The following CCDC186 variants were observed in gnomAD, a reference collection of about 807,000 sequenced individuals.
CCDC186 encodes coiled-coil domain containing 186.
In CCDC186, 49 loss-of-function variants were observed where a neutral mutation model predicts 113.7. That is an observed-to-expected ratio of 0.43 (90% CI 0.34 to 0.55). The LOEUF is 0.55. Ranked by LOEUF, CCDC186 falls within the 20% of genes least tolerant of loss-of-function variation. The pLI is 0.02. For synonymous variants in CCDC186, 355 were observed against 345.8 expected, an observed-to-expected ratio of 1.03 and a Z score of -0.30; for missense variants, 890 against 1,011.1, an observed-to-expected ratio of 0.88 and a Z score of 1.62.
At chr10:114,164,922 A>G (rs2032292628) in intron 1 of CCDC186, among the ~76,000 whole-genome samples, 1 of 152,236 alleles carries the variant, frequency 6.6e-6, no homozygotes, top group South Asian at 2.1e-4. Flanking sequence ...AGTGACTTGT[A>G]GACTTAATTA....
intron 3 of CCDC186, among the ~76,000 whole-genome samples, chr10:114,155,384 G>A (rs2031980227): frequency 1.3e-5 from 2 of 152,192 alleles, no homozygotes; most frequent in Non-Finnish European, 2.9e-5. Context: ...ACTTTAAAAA[G>A]TAAAAAGAAG....
chr10:114,172,820 A>C (rs2032541999), intron 1 of CCDC186, among the ~76,000 whole-genome samples: 1 of 152,240 alleles, frequency 6.6e-6, no homozygotes, highest in African/African-American at 2.4e-5. Flanking sequence ...AAAGAATTGA[A>C]GTTACACAGG....
chr10:114,168,364 C>G (rs915188273), intron 1 of CCDC186: 1 of 152,158 alleles, frequency 6.6e-6, no homozygotes, highest in African/African-American at 2.4e-5. Context: ...TATTTCCATA[C>G]AAGAGCCACG....
chr10:114,162,652 T>G lies in CCDC186; in HGVS notation c.617A>C (p.Glu206Ala). The G allele has an allele frequency of 6.3e-7, 1 of 1,576,070 alleles. No individual in the cohort carries two copies. The highest frequency in any genetic ancestry group is 1.2e-5 in the South Asian group (1 of 84,378). The part of the protein sequence containing the change: ...KCVQDKYLQQ[E>A]HIIKKLIKEN... ...AAAAACTTACTTTTTTATGATATGT[T>G]CCTGCTGCAAATATTTATCTTGCAC... Residue 206 changes from glutamate (E) to alanine (A), a missense_variant, in exon 2 of 16, where the codon GAA becomes GCA. Glu to Ala is a moderately radical substitution (Grantham distance 107). Coordinates refer to ENST00000369287, the MANE Select transcript of CCDC186 (RefSeq NM_018017.4).
At position 114,121,431 on chromosome 10, in the gene CCDC186, A is replaced by G. The variant is rs576922865; in HGVS notation, c.*3712T>C. Reference sequence around the variant, plus strand: ...ATCTTGGTTTAAATTTGCATGTAACAATTTTTAGAAAATAATATACTGCAA... The same window carrying G: ...ATCTTGGTTTAAATTTGCATGTAACGATTTTTAGAAAATAATATACTGCAA... On this transcript the variant is annotated 3_prime_UTR_variant, in exon 16 of 16. Coordinates refer to ENST00000369287, the MANE Select transcript of CCDC186 (RefSeq NM_018017.4). The G allele has an allele frequency of 1.1e-4, 17 of 152,306 alleles. No individual in the cohort carries two copies. The South Asian group carries it at 3.3e-3, about 30-fold the overall frequency. 9.4% of individuals were successfully genotyped at this position (152,306 alleles called of 1,614,324 possible).
chr10:114,157,873 C>T (rs17776681), intron 2 of CCDC186, among the ~76,000 whole-genome samples, 193 bp from the exon 3 acceptor site: 12,184 of 152,236 alleles, frequency 0.08, 578 homozygotes, highest in Middle Eastern at 0.14. Flanking sequence ...GCCCATTAGG[C>T]TATTAACTTT....
chr10:114,152,894 A>C (rs2031897082), intron 3 of CCDC186, among the ~76,000 whole-genome samples: 1 of 152,232 alleles, frequency 6.6e-6, no homozygotes, highest in South Asian at 2.1e-4. Flanking sequence ...AGAATAGCTC[A>C]CAAAAATAAA....
intron 13 of CCDC186, among the ~76,000 whole-genome samples, chr10:114,129,539 T>C (rs2031020193): frequency 6.6e-6 from 1 of 152,058 alleles, no homozygotes; most frequent in Non-Finnish European, 1.5e-5. Flanking sequence ...AAATGCTATT[T>C]ATTTATTTAT....
Position 114,137,211 on chromosome 10 carries a change from C to T in CCDC186, c.1301G>A (p.Cys434Tyr). 6.2e-7 allele frequency: 1 copy of T among 1,613,104 alleles called. No homozygotes were observed. Among genetic ancestry groups the T allele is most frequent in the Admixed American group, 1.7e-5 (1 of 60,014 alleles). ...KEEADQIRKNCQDMIKTYQES... is the reference protein window; with the variant it reads ...KEEADQIRKNYQDMIKTYQES... The stretch of plus-strand genomic sequence containing the variant: ...CTGATATGTTTTTATCATATCCTGA[C>T]AGTTTTTTCGTATCTGATCTGCTTC... The change falls in exon 7 of 16, where the codon TGT (cysteine) becomes TAT (tyrosine). Residue 434 changes from cysteine (C) to tyrosine (Y), a missense_variant. Cys to Tyr is a radical substitution (Grantham distance 194). Transcript: ENST00000369287.
rs2032052171 is a variant in CCDC186, at chr10:114,157,681, CTAAATA to C, written c.633-7_633-2del. ...ATGCTTCTTATTTTCTTTAATTAAC[CTAAATA>C]TAAAAAGGGCAGTGTATGTAAAACA... is the stretch of plus-strand genomic sequence containing the variant. On this transcript the variant is annotated splice_acceptor_variant and splice_polypyrimidine_tract_variant and intron_variant, in intron 2 of 15. Transcript: ENST00000369287. LOFTEE classifies it high-confidence loss of function. 6.3e-7 allele frequency: 1 copy of C among 1,575,968 alleles called. No homozygotes were observed. The highest frequency in any genetic ancestry group is 8.6e-7 in the Non-Finnish European group (1 of 1,164,146).
At position 114,166,012 on chromosome 10, in the gene CCDC186, GT is replaced by G. The variant is rs980649599; in HGVS notation, c.-61-2684del. On this transcript the variant is annotated intron_variant, in intron 1 of 15. Transcript: ENST00000369287. ...GAACCTGTCTTAATTTCTGGAATAAGTTTTTTGTAGTAACCAAAAGTGGCGG... is the reference window on the plus strand; with the variant it reads ...GAACCTGTCTTAATTTCTGGAATAAGTTTTTGTAGTAACCAAAAGTGGCGG... 7 of 850,802 alleles carry G rather than the reference GT, an allele frequency of 8.2e-6. No individual in the cohort carries two copies. In the African/African-American group the frequency reaches 1.3e-4, roughly 16 times the overall value. 52.7% of individuals were successfully genotyped at this position (850,802 alleles called of 1,614,324 possible).
At chr10:114,146,601 TA>T (rs1219067740) in intron 4 of CCDC186, among the ~76,000 whole-genome samples, 4 of 152,234 alleles carry the variant, frequency 2.6e-5, no homozygotes. Context: ...AATTTTCTAT[TA>T]GTATGAACTG....
chr10:114,127,064 C>T (rs900134598), intron 14 of CCDC186, among the ~76,000 whole-genome samples: 4 of 152,112 alleles, frequency 2.6e-5, no homozygotes, highest in African/African-American at 4.8e-5. Context: ...ACAGGCACAG[C>T]GCCTTGTACT....
intron 2 of CCDC186, among the ~76,000 whole-genome samples, chr10:114,160,269 CA>C (rs78640501): frequency 2.7e-3 from 305 of 114,048 alleles, no homozygotes; most frequent in Admixed American, 2.4e-3. Flanking sequence ...AACTCCACCT[CA>C]AAAAAAAAAA....
At chr10:114,136,083 T>C in intron 8 of CCDC186, 65 bp downstream of exon 8, 1 of 1,509,218 alleles carries the variant, frequency 6.6e-7, no homozygotes, top group Non-Finnish European at 9.2e-7. Flanking sequence ...AGCAATAAGT[T>C]CTCACTATTT....
rs758704331 is a variant in CCDC186, at chr10:114,157,676, T to G, written c.637A>C (p.Ile213Leu). ...TCCTGATGCTTCTTATTTTCTTTAA[T>G]TAACCTAAATATAAAAAGGGCAGTG... ...LQQEHIIKKL[I>L]KENKKHQELF... Residue 213 changes from isoleucine (I) to leucine (L), a missense_variant, in exon 3 of 16, where the codon ATT becomes CTT. Transcript: ENST00000369287. The G allele has an allele frequency of 8.9e-6, 14 of 1,581,292 alleles. No homozygotes were observed. The highest frequency in any genetic ancestry group is 1.2e-5 in the Non-Finnish European group (14 of 1,166,864).
intron 7 of CCDC186, 52 bp from the exon 8 acceptor site, chr10:114,136,298 T>C: frequency 7.5e-7 from 1 of 1,341,686 alleles, no homozygotes; most frequent in Non-Finnish European, 1.1e-6. Context: ...CATTTCCCGT[T>C]TGCCCTGAGA....
At chr10:114,167,015 GTTTTTTTTTT>G (rs201434736) in intron 1 of CCDC186, among the ~76,000 whole-genome samples, 1 of 127,266 alleles carries the variant, frequency 7.9e-6, no homozygotes, top group African/African-American at 2.9e-5. Context: ...TTGCAAGCTG[GTTTTTTTTTT>G]TTTTTTTTTT....
chr10:114,172,493 C>T (rs117381581), intron 1 of CCDC186, among the ~76,000 whole-genome samples: 5,826 of 152,258 alleles, frequency 0.038, 157 homozygotes, highest in South Asian at 0.065. Flanking sequence ...CAACCCTTTC[C>T]GTTAGCAATA....
Sources: allele counts gnomAD v4.1 joint callset (sites outside exome capture counted in the v4.1 genomes callset), GRCh38; gene constraint gnomAD v4.1.1; transcripts MANE v1.5; gene names NCBI Gene and HGNC (gene_info 2026-07-23, HGNC 2026-07-21).